TCF12: variants seen among roughly 807,000 people sequenced by gnomAD.
TCF12 encodes DNA-binding protein HTF4.
TCF12 carries 45 observed loss-of-function variants against 86.0 expected under a neutral mutation model. The ratio of observed to expected loss-of-function variants is 0.52; its 90% CI spans 0.41 to 0.67. The LOEUF (loss-of-function observed/expected upper bound fraction) is 0.67, where lower values mean the gene tolerates loss of function less well. Ranked by LOEUF, TCF12 falls within the 30% of genes least tolerant of loss-of-function variation. The pLI, the probability that TCF12 is intolerant of heterozygous loss-of-function variation, is 0.00. For missense variants in TCF12, 881 were observed against 859.9 expected (o/e 1.02, Z -0.31); for synonymous variants, 330 against 299.6 (o/e 1.10, Z -1.05).
intron 8 of TCF12, among the ~76,000 whole-genome samples, chr15:57,224,061 T>C (rs1174530456): frequency 1.1e-4 from 17 of 152,040 alleles, no homozygotes; most frequent in Non-Finnish European, 2.1e-4. Flanking sequence ...AGTTTTCTTA[T>C]CTTGATTCAA....
intron 20 of TCF12, among the ~76,000 whole-genome samples, chr15:57,285,187 C>G (rs2061881376): frequency 6.6e-6 from 1 of 152,176 alleles, no homozygotes; most frequent in Non-Finnish European, 1.5e-5. Flanking sequence ...CACAGAATGA[C>G]TGGTTATAAA....
chr15:57,129,460 A>T (rs548708842), intron 5 of TCF12, among the ~76,000 whole-genome samples: 6 of 152,110 alleles, frequency 3.9e-5, no homozygotes, highest in Non-Finnish European at 2.9e-5. Flanking sequence ...GCTGAGGTGG[A>T]AGGATCACCT....
intron 5 of TCF12, among the ~76,000 whole-genome samples, chr15:57,128,807 C>T (rs901239766): frequency 1.3e-5 from 2 of 152,164 alleles, no homozygotes; most frequent in Admixed American, 6.5e-5. Flanking sequence ...TTGTGACTGA[C>T]TCTTTTTACT....
intron 4 of TCF12, among the ~76,000 whole-genome samples, chr15:57,076,823 G>T (rs1425750376): frequency 6.6e-6 from 1 of 152,016 alleles, no homozygotes; most frequent in African/African-American, 2.4e-5. Flanking sequence ...TTGTGAGTTT[G>T]TTTCTGTATA....
chr15:57,014,082 A>T (rs1375814205), intron 3 of TCF12, among the ~76,000 whole-genome samples: 1 of 152,136 alleles, frequency 6.6e-6, no homozygotes, highest in Non-Finnish European at 1.5e-5. Flanking sequence ...GTCACGTTGC[A>T]TGGGTTCCTG....
At chr15:56,931,851 T>C (rs1427420273) in intron 3 of TCF12, among the ~76,000 whole-genome samples, 1 of 152,194 alleles carries the variant, frequency 6.6e-6, no homozygotes, top group African/African-American at 2.4e-5. Flanking sequence ...CAGTAAGCCA[T>C]TGACTTTTCT....
intron 5 of TCF12, among the ~76,000 whole-genome samples, chr15:57,121,487 C>T (rs1422662913): frequency 3.9e-5 from 6 of 152,216 alleles, no homozygotes; most frequent in Non-Finnish European, 8.8e-5. Flanking sequence ...CAGAGCTTCA[C>T]TATCATAAAT....
At chr15:56,946,336 C>T (rs764628831) in intron 3 of TCF12, among the ~76,000 whole-genome samples, 21 of 152,300 alleles carry the variant, frequency 1.4e-4, no homozygotes, top group Non-Finnish European at 2.8e-4. Flanking sequence ...ACTGTGTCTT[C>T]AGGCTACCGA....
At chr15:57,095,915 A>G (rs1027893642) in intron 5 of TCF12, among the ~76,000 whole-genome samples, 1 of 152,190 alleles carries the variant, frequency 6.6e-6, no homozygotes, top group Non-Finnish European at 1.5e-5. Flanking sequence ...TATTTTGCAA[A>G]TGATTAAAAC....
At chr15:57,218,906 T>A (rs1340769531) in intron 8 of TCF12, 4 of 389,960 alleles carry the variant, frequency 1.0e-5, no homozygotes, top group African/African-American at 8.7e-5. Flanking sequence ...TTAAGAGGTA[T>A]TTGCATGATG....
chr15:57,041,115 ACTT>A (rs1402869562), intron 3 of TCF12, among the ~76,000 whole-genome samples: 26 of 152,316 alleles, frequency 1.7e-4, no homozygotes, highest in East Asian at 5.8e-4. Flanking sequence ...GACATCAGGT[ACTT>A]CTTCTACATT....
intron 5 of TCF12, among the ~76,000 whole-genome samples, chr15:57,099,045 T>C (rs1291004683): frequency 6.6e-6 from 1 of 152,200 alleles, no homozygotes; most frequent in East Asian, 1.9e-4. Flanking sequence ...GGTTGCTATA[T>C]TGTAAGGTAC....
chr15:57,053,028 A>G (rs1846046012), intron 3 of TCF12, among the ~76,000 whole-genome samples: 1 of 152,026 alleles, frequency 6.6e-6, no homozygotes, highest in Admixed American at 6.6e-5. Context: ...TTTTAAAGCA[A>G]CCTCCATACC....
At chr15:56,968,674 G>A (rs777758290) in intron 3 of TCF12, among the ~76,000 whole-genome samples, 3 of 152,264 alleles carry the variant, frequency 2.0e-5, no homozygotes, top group East Asian at 1.9e-4. Flanking sequence ...ACTTTCATTC[G>A]TGAACCCCAA....
chr15:56,997,265 C>T (rs1015243759), intron 3 of TCF12, among the ~76,000 whole-genome samples: 4 of 152,170 alleles, frequency 2.6e-5, no homozygotes, highest in Non-Finnish European at 5.9e-5. Flanking sequence ...AAATGTGGTA[C>T]ACATACGCAA....
rs1256357881 is a variant in TCF12, at chr15:57,262,173, C to T, written c.1547C>T (p.Thr516Ile). 6.2e-7 allele frequency: 1 copy of T among 1,613,258 alleles called. No homozygotes were observed. Among genetic ancestry groups the T allele is most frequent in the Non-Finnish European group, 8.5e-7 (1 of 1,179,494 alleles). The part of the protein sequence containing the change: ...VLSSTVTTSS[T>I]DLNHKTQENY... ...TCTAGTACAGTCACTACTTCAAGCA[C>T]AGACCTGAACCATAAAACACAAGAA... The change falls in exon 17 of 21, where the codon ACA becomes ATA. Residue 516 changes from threonine to isoleucine, a missense_variant. Coordinates refer to ENST00000333725, the MANE Select transcript of TCF12 (RefSeq NM_207037.2).
intron 6 of TCF12, among the ~76,000 whole-genome samples, chr15:57,173,577 A>G (rs2414491): frequency 0.39 from 58,593 of 152,066 alleles, 14,117 homozygotes; most frequent in Non-Finnish European, 0.53. Flanking sequence ...TATGAATCAT[A>G]TATACATTAA....
At chr15:56,932,027 A>T (rs536713471) in intron 3 of TCF12, among the ~76,000 whole-genome samples, 1 of 152,174 alleles carries the variant, frequency 6.6e-6, no homozygotes, top group Non-Finnish European at 1.5e-5. Flanking sequence ...TTGCCTTCAT[A>T]TTTGTATAAT....
chr15:57,245,510 C>T (rs1346894957), intron 13 of TCF12, among the ~76,000 whole-genome samples: 1 of 152,196 alleles, frequency 6.6e-6, no homozygotes, highest in Non-Finnish European at 1.5e-5. Context: ...TCCATATCAG[C>T]ATTCCCACTA....
Sources: allele counts gnomAD v4.1 joint callset (sites outside exome capture counted in the v4.1 genomes callset), GRCh38; gene constraint gnomAD v4.1.1; transcripts MANE v1.5; gene names NCBI Gene and HGNC (gene_info 2026-07-23, HGNC 2026-07-21).